The following FAM98A variants were observed in gnomAD, a reference collection of about 807,000 sequenced individuals.
The protein encoded by FAM98A is tRNA splicing ligase complex subunit 3A.
FAM98A carries 25 observed loss-of-function variants against 62.9 expected under a neutral mutation model. That is an observed-to-expected ratio of 0.40 (90% CI 0.29 to 0.56). FAM98A has a LOEUF of 0.56. FAM98A is among the 20% of genes least tolerant of loss of function. FAM98A has a pLI of 0.51. For synonymous variants in FAM98A, 252 were observed against 228.6 expected, an observed-to-expected ratio of 1.10 and a Z score of -0.92; for missense variants, 653 against 640.7, an observed-to-expected ratio of 1.02 and a Z score of -0.21.
In FAM98A at chr2:33,585,151, G is replaced by A; in HGVS notation, c.1182C>T (p.Tyr394=). 3 of 1,613,948 alleles carry A rather than the reference G, an allele frequency of 1.9e-6. No homozygotes were observed. Among genetic ancestry groups the A allele is most frequent in the Non-Finnish European group, 2.5e-6 (3 of 1,179,964 alleles). Residue 394 remains tyrosine, a synonymous_variant, in exon 8 of 8, where the codon TAC becomes TAT. Transcript: ENST00000238823. Reference sequence around the variant, plus strand: ...CTGAATCTCGATAACCACCATCTTGGTAGCCACCTCCTCCACCACTCCCTC... The same window carrying A: ...CTGAATCTCGATAACCACCATCTTGATAGCCACCTCCTCCACCACTCCCTC... ...TDGGSGGGGG[Y]QDGGYRDSGF... is the part of the protein sequence containing the mutation.
At chr2:33,598,034 A>G (rs1558551970) in intron 1 of FAM98A, among the ~76,000 whole-genome samples, 1 of 152,246 alleles carries the variant, frequency 6.6e-6, no homozygotes, top group Non-Finnish European at 1.5e-5. Flanking sequence ...TGGAATATTT[A>G]TAAAAATTCA....
intron 3 of FAM98A, chr2:33,588,931 A>G (rs1452456343): frequency 6.5e-6 from 1 of 153,048 alleles, no homozygotes; most frequent in Admixed American, 6.5e-5. Flanking sequence ...ACTACTTGTG[A>G]GCATCAATGA....
At position 33,584,972 on chromosome 2, in the gene FAM98A, T is replaced by C; in HGVS notation, c.1361A>G (p.His454Arg). The part of the protein sequence containing the change: ...QDNRYQDGGH[H>R]GDRGGGRGGR... ...ACCACGACCACCACCACGATCACCA[T>C]GGTGCCCGCCATCTTGGTATCTATT... Residue 454 changes from histidine to arginine, a missense_variant, in exon 8 of 8, where the codon CAT (histidine) becomes CGT (arginine). Physicochemically the swap from His to Arg is conservative, Grantham distance 29. Transcript: ENST00000238823. 2 of 1,613,986 alleles carry C rather than the reference T, an allele frequency of 1.2e-6. No homozygotes were observed. Among genetic ancestry groups the C allele is most frequent in the South Asian group, 1.1e-5 (1 of 91,062 alleles).
chr2:33,590,690 G>A (rs562221211), intron 3 of FAM98A, among the ~76,000 whole-genome samples: 10 of 152,260 alleles, frequency 6.6e-5, no homozygotes, highest in African/African-American at 9.6e-5. Flanking sequence ...AAGCATTTGA[G>A]GTGATGATAG....
At chr2:33,589,353 A>T (rs1410289614) in intron 3 of FAM98A, 1 of 152,174 alleles carries the variant, frequency 6.6e-6, no homozygotes, top group Non-Finnish European at 1.5e-5. Context: ...AGGACATTTC[A>T]ATTTTTATAA....
At chr2:33,597,252 C>T (rs1455093555) in intron 1 of FAM98A, among the ~76,000 whole-genome samples, 7 of 152,240 alleles carry the variant, frequency 4.6e-5, no homozygotes, top group African/African-American at 1.4e-4. Flanking sequence ...CCAGCTACTC[C>T]GGAGCCTGAA....
chr2:33,590,208 G>T (rs890707166), intron 3 of FAM98A, among the ~76,000 whole-genome samples: 1 of 152,022 alleles, frequency 6.6e-6, no homozygotes. Context: ...CTTAATTTAC[G>T]TAAGGGCAAC....
chr2:33,591,462 G>C (rs1272278325), intron 3 of FAM98A, among the ~76,000 whole-genome samples: 2 of 152,010 alleles, frequency 1.3e-5, no homozygotes, highest in African/African-American at 2.4e-5. Context: ...AGTGTGAAGA[G>C]ACAAAACAGT....
chr2:33,591,781 T>C (rs138211333), intron 3 of FAM98A: 2 of 217,704 alleles, frequency 9.2e-6, no homozygotes, highest in East Asian at 9.6e-5. Context: ...GTAAGTTTAA[T>C]GATCACACAC....
intron 2 of FAM98A, among the ~76,000 whole-genome samples, chr2:33,594,038 G>A (rs1558550060): frequency 6.6e-6 from 1 of 152,126 alleles, no homozygotes; most frequent in Non-Finnish European, 1.5e-5. Context: ...CACCCCTACA[G>A]GTTGTATGAC....
At chr2:33,597,733 C>T (rs1410482973) in intron 1 of FAM98A, among the ~76,000 whole-genome samples, 2 of 152,158 alleles carry the variant, frequency 1.3e-5, no homozygotes, top group African/African-American at 4.8e-5. Context: ...ACTATAGTGT[C>T]ATTTATTCCA....
At position 33,596,411 on chromosome 2, in the gene FAM98A, A is replaced by G. The variant is rs188475926; in HGVS notation, c.54-774T>C. ...AGTGATTCCAATATAATTTTAAAAA[A>G]TTTAAAAATGTTCAAACATTCATAA... On this transcript the variant is annotated intron_variant, in intron 1 of 7. Transcript: ENST00000238823. Among the ~76,000 whole-genome samples the G allele has an allele frequency of 1.9e-3, 287 of 152,322 alleles. 2 individuals carry two copies. Among genetic ancestry groups the G allele is most frequent in the African/African-American group, 6.5e-3 (272 of 41,566 alleles).
At chr2:33,585,764 A>G in intron 6 of FAM98A, 67 bp from the exon 7 acceptor site, 1 of 1,447,332 alleles carries the variant, frequency 6.9e-7, no homozygotes, top group Non-Finnish European at 9.5e-7. Context: ...CACATATTAA[A>G]TAAGTTAAAG....
chr2:33,599,161 A>G lies in FAM98A; in HGVS notation c.53+8T>C. ...GGGCTTGGGAGACCCGTGCCCTGAC[A>G]ATCTTACCCTAGATCTTCCAACGAC... is the stretch of plus-strand genomic sequence containing the variant. On this transcript the variant is annotated splice_region_variant and intron_variant, in intron 1 of 7. Coordinates refer to ENST00000238823, the MANE Select transcript of FAM98A (RefSeq NM_015475.5). 6.2e-7 allele frequency: 1 copy of G among 1,612,896 alleles called. No homozygotes were observed. The highest frequency in any genetic ancestry group is 1.1e-5 in the South Asian group (1 of 91,048).
chr2:33,594,875 G>T (rs548504292), intron 2 of FAM98A, among the ~76,000 whole-genome samples: 1 of 152,240 alleles, frequency 6.6e-6, no homozygotes, highest in East Asian at 1.9e-4. Flanking sequence ...GAACCAGATG[G>T]TAGAGTGGTA....
At chr2:33,594,561 TTATA>T (rs144548996) in intron 2 of FAM98A, among the ~76,000 whole-genome samples, 24,354 of 40,510 alleles carry the variant, frequency 0.6, 9,140 homozygotes, top group Admixed American at 0.69. Flanking sequence ...AAAAAAAAAA[TTATA>T]TATATATATA....
In FAM98A at chr2:33,592,995, A is replaced by G. The variant is rs191354295; in HGVS notation, c.203-781T>C. On this transcript the variant is annotated intron_variant, in intron 2 of 7. Transcript: ENST00000238823. ...CCCCTCTAGCAAATCCCACCCATCC[A>G]TCAAAGCCCAGTGGCCTTGCTCCTT... Among the ~76,000 whole-genome samples, 28 of 152,252 alleles carry G rather than the reference A, an allele frequency of 1.8e-4. No individual in the cohort carries two copies. In the East Asian group the frequency reaches 2.9e-3, roughly 16 times the overall value.
intron 2 of FAM98A, among the ~76,000 whole-genome samples, chr2:33,594,163 G>C (rs1004540690): frequency 1.3e-5 from 2 of 152,130 alleles, no homozygotes; most frequent in Non-Finnish European, 2.9e-5. Context: ...AAAGTGTTTA[G>C]AACATAGTGA....
chr2:33,593,696 T>A (rs1677726179), intron 2 of FAM98A, among the ~76,000 whole-genome samples: 1 of 152,180 alleles, frequency 6.6e-6, no homozygotes, highest in African/African-American at 2.4e-5. Flanking sequence ...GAAGCCTACA[T>A]TATGAATATT....
Sources: allele counts gnomAD v4.1 joint callset (sites outside exome capture counted in the v4.1 genomes callset), GRCh38; gene constraint gnomAD v4.1.1; transcripts MANE v1.5; gene names NCBI Gene and HGNC (gene_info 2026-07-23, HGNC 2026-07-21).